Variants in MAGI2 observed in about 807,000 individuals in gnomAD.
MAGI2 encodes membrane-associated guanylate kinase, WW and PDZ domain-containing protein 2.
In MAGI2, 35 loss-of-function variants were observed where a neutral mutation model predicts 133.3. The ratio of observed to expected loss-of-function variants is 0.26; its 90% CI spans 0.20 to 0.35. The LOEUF is 0.35. Ranked by LOEUF, MAGI2 falls within the 10% of genes least tolerant of loss-of-function variation. MAGI2 has a pLI of 1.00. For missense variants in MAGI2, 1,636 were observed against 1,863.4 expected (o/e 0.88, Z 2.25); for synonymous variants, 729 against 710.6 (o/e 1.03, Z -0.41).
rs112609751 is a variant in MAGI2 at position 78,990,941 on chromosome 7, C to G, written c.418+16149G>C. ...ACACACACACACACACACACACACA[C>G]AGAGATATGGTTTGGCTTTTTGTCC... On this transcript the variant is annotated intron_variant, in intron 2 of 21. Transcript: ENST00000354212. Among the ~76,000 whole-genome samples, 177 of 146,752 alleles carry G rather than the reference C, an allele frequency of 1.2e-3. 1 individual carries two copies. Among genetic ancestry groups the G allele is most frequent in the South Asian group, 6.1e-3 (28 of 4,626 alleles).
chr7:78,274,209 T>C (rs1241042950), intron 9 of MAGI2, among the ~76,000 whole-genome samples: 1 of 152,224 alleles, frequency 6.6e-6, no homozygotes, highest in African/African-American at 2.4e-5. Context: ...GCTGCAGGTC[T>C]CCTGGAGTTT....
chr7:79,115,709 T>A lies in MAGI2; in HGVS notation c.302-108503A>T, dbSNP rs181151638. ...AAATAAAAATAGACTCCTAATAGAT[T>A]TTTTTTAATCCAAATTTTACCAAAC... On this transcript the variant is annotated intron_variant, in intron 1 of 21. Transcript: ENST00000354212. Among the ~76,000 whole-genome samples, 3 of 152,138 alleles carry A rather than the reference T, an allele frequency of 2.0e-5. No individual in the cohort carries two copies. The East Asian group carries it at 5.8e-4, about 29-fold the overall frequency.
intron 2 of MAGI2, among the ~76,000 whole-genome samples, chr7:78,892,179 G>A (rs1298848845): frequency 6.6e-6 from 1 of 152,184 alleles, no homozygotes; most frequent in Non-Finnish European, 1.5e-5. Flanking sequence ...CAAGGGATGT[G>A]AAGGACCTCT....
chr7:79,427,427 G>GC (rs1243304207), intron 1 of MAGI2, among the ~76,000 whole-genome samples: 4 of 152,234 alleles, frequency 2.6e-5, no homozygotes, highest in African/African-American at 9.6e-5. Context: ...CTATCGAAAT[G>GC]ATTTTTCAAG....
intron 3 of MAGI2, among the ~76,000 whole-genome samples, chr7:78,554,136 T>C (rs1799590699): frequency 6.6e-6 from 1 of 152,228 alleles, no homozygotes; most frequent in Admixed American, 6.5e-5. Context: ...TAGATTGGTA[T>C]TGATTCACTG....
chr7:78,528,752 G>A (rs1463937668), intron 3 of MAGI2, among the ~76,000 whole-genome samples: 2 of 152,022 alleles, frequency 1.3e-5, no homozygotes, highest in African/African-American at 4.8e-5. Flanking sequence ...CATGTCATAT[G>A]TAGTTAGCAG....
chr7:79,333,924 C>G (rs750597654), intron 1 of MAGI2, among the ~76,000 whole-genome samples: 1 of 152,090 alleles, frequency 6.6e-6, no homozygotes, highest in Non-Finnish European at 1.5e-5. Flanking sequence ...TTCTAATATC[C>G]TCTGGAAACT....
At chr7:78,595,609 C>T (rs1010630307) in intron 3 of MAGI2, among the ~76,000 whole-genome samples, 1 of 152,200 alleles carries the variant, frequency 6.6e-6, no homozygotes, top group African/African-American at 2.4e-5. Context: ...ACTACGCACT[C>T]AGTTCAGAAA....
intron 2 of MAGI2, among the ~76,000 whole-genome samples, chr7:78,910,012 AT>A (rs1235354225): frequency 1.3e-5 from 2 of 152,126 alleles, no homozygotes; most frequent in Non-Finnish European, 2.9e-5. Context: ...GGAATCCAAC[AT>A]TTTCAGCAAA....
At chr7:79,011,924 C>CCTGCCTTTCTTTCTTT (rs1808171242) in intron 1 of MAGI2, among the ~76,000 whole-genome samples, 1 of 121,206 alleles carries the variant, frequency 8.3e-6, no homozygotes, top group Admixed American at 9.0e-5. Flanking sequence ...TTCCTTCCTT[C>CCTGCCTTTCTTTCTTT]CTTTCTTTCT....
intron 1 of MAGI2, among the ~76,000 whole-genome samples, chr7:79,401,872 A>G (rs912798844): frequency 5.9e-5 from 9 of 152,174 alleles, no homozygotes; most frequent in African/African-American, 1.9e-4. Flanking sequence ...GGCTTTTCTA[A>G]ATACAAACAT....
At chr7:78,522,102 T>C (rs1319711320) in intron 3 of MAGI2, among the ~76,000 whole-genome samples, 1 of 152,208 alleles carries the variant, frequency 6.6e-6, no homozygotes, top group Non-Finnish European at 1.5e-5. Flanking sequence ...CAAAGGATTA[T>C]GGCTATTGTC....
chr7:78,854,291 GTC>G (rs1255212306), intron 2 of MAGI2, among the ~76,000 whole-genome samples: 7 of 151,948 alleles, frequency 4.6e-5, no homozygotes, highest in African/African-American at 1.7e-4. Flanking sequence ...AGTTAATAAA[GTC>G]TGTATGTAAA....
At chr7:78,989,700 C>T (rs1398857159) in intron 2 of MAGI2, among the ~76,000 whole-genome samples, 1 of 151,918 alleles carries the variant, frequency 6.6e-6, no homozygotes, top group Non-Finnish European at 1.5e-5. Context: ...TTCTTTCTGC[C>T]TTTAAATATA....
intron 9 of MAGI2, among the ~76,000 whole-genome samples, chr7:78,267,070 A>G (rs1483002247): frequency 6.6e-6 from 1 of 152,182 alleles, no homozygotes; most frequent in East Asian, 1.9e-4. Context: ...CTATCAACCT[A>G]CATGGTAATT....
intron 9 of MAGI2, among the ~76,000 whole-genome samples, chr7:78,283,293 G>A (rs1029745662): frequency 4.6e-5 from 7 of 152,030 alleles, no homozygotes; most frequent in South Asian, 2.1e-4. Context: ...AAAGAATTTC[G>A]GATGAAGTAC....
In MAGI2 at chr7:78,019,552, G is replaced by T; in HGVS notation, c.4131C>A (p.Leu1377=). Reference sequence around the variant, plus strand: ...CAGCCCCCGGGCCTTCGCGCCGGCAGAGCTCGGAGCCCGCCGCCGCACGGG... The same window carrying T: ...CAGCCCCCGGGCCTTCGCGCCGGCATAGCTCGGAGCCCGCCGCCGCACGGG... ...EAPRAAAGSE[L]CRREGPGAAP... The change falls in exon 22 of 22, where the codon CTC becomes CTA. Residue 1377 remains leucine (L), a synonymous_variant. Transcript: ENST00000354212. The T allele has an allele frequency of 1.0e-6, 1 of 980,250 alleles. No individual in the cohort carries two copies. Among genetic ancestry groups the T allele is most frequent in the South Asian group, 4.5e-5 (1 of 22,032 alleles). The allele number at this position is 980,250 out of a possible 1,614,324, so 60.7% of individuals were successfully genotyped here.
chr7:78,566,063 G>A (rs1800909703), intron 3 of MAGI2, among the ~76,000 whole-genome samples: 1 of 152,176 alleles, frequency 6.6e-6, no homozygotes, highest in African/African-American at 2.4e-5. Flanking sequence ...CTGACATTTG[G>A]GTTGGTGCTT....
intron 1 of MAGI2, among the ~76,000 whole-genome samples, chr7:79,431,556 T>C (rs1396960791): frequency 1.3e-5 from 2 of 152,192 alleles, no homozygotes; most frequent in East Asian, 1.9e-4. Context: ...GTCAATGGTG[T>C]ACATGACACA....
Sources: gnomAD v4.1 joint callset for allele counts (sites outside exome capture counted in the v4.1 genomes callset) on GRCh38, gnomAD v4.1.1 for gene constraint, MANE v1.5 for transcripts, NCBI Gene and HGNC (gene_info 2026-07-23, HGNC 2026-07-21) for gene names.